The following CNOT2 variants were observed in gnomAD, a reference collection of about 807,000 sequenced individuals.
The protein encoded by CNOT2 is CCR4-NOT transcription complex subunit 2, also known as CC chemokine receptor 4-negative regulator of transcription 2.
CNOT2 carries 7 observed loss-of-function variants against 72.1 expected under a neutral mutation model. That is an observed-to-expected ratio of 0.10 (90% CI 0.06 to 0.18). The LOEUF is 0.18. Ranked by LOEUF, CNOT2 falls within the 10% of genes least tolerant of loss-of-function variation. CNOT2 has a pLI of 1.00. For synonymous variants in CNOT2, 196 were observed against 225.6 expected (o/e 0.87, Z 1.17); for missense variants, 345 against 660.3 (o/e 0.52, Z 5.23).
In CNOT2 at chr12:70,268,086, C is replaced by CT. The variant is rs201528398; in HGVS notation, c.-95-10045dup. On this transcript the variant is annotated intron_variant, in intron 1 of 15. Coordinates refer to ENST00000229195, the MANE Select transcript of CNOT2 (RefSeq NM_014515.7). ...TTTTTTCCCATTCATTCATAAAACT[C>CT]TAAGTTTTCTACCGGTATTATTTTC... Among the ~76,000 whole-genome samples the CT allele has an allele frequency of 2.8e-4, 42 of 152,326 alleles. No homozygotes were observed. In the East Asian group the frequency reaches 7.5e-3, roughly 27 times the overall value.
intron 14 of CNOT2, chr12:70,344,991 A>T (rs139180292): frequency 2.6e-5 from 4 of 152,174 alleles, no homozygotes; most frequent in Non-Finnish European, 4.4e-5. Flanking sequence ...TCAGCAGTCT[A>T]TTGGCCAGTT....
chr12:70,325,916 CTT>C (rs1276843255), intron 4 of CNOT2, among the ~76,000 whole-genome samples: 1 of 151,688 alleles, frequency 6.6e-6, no homozygotes. Flanking sequence ...TTTCATGTAA[CTT>C]AATATTTTTT....
intron 1 of CNOT2, among the ~76,000 whole-genome samples, chr12:70,254,666 T>C (rs538500918): frequency 1.3e-5 from 2 of 152,302 alleles, no homozygotes; most frequent in East Asian, 3.9e-4. Context: ...TTGCCCTTTA[T>C]GCATTTTTAT....
intron 2 of CNOT2, 118 bp downstream of exon 2, chr12:70,278,392 G>A (rs1002912031): frequency 1.2e-5 from 7 of 598,402 alleles, no homozygotes; most frequent in African/African-American, 7.6e-5. Context: ...TGAAAATTTG[G>A]GTTTATAATT....
chr12:70,259,350 CTTATTT>C (rs1958627956), intron 1 of CNOT2, among the ~76,000 whole-genome samples: 1 of 151,894 alleles, frequency 6.6e-6, no homozygotes, highest in South Asian at 2.1e-4. Flanking sequence ...TAATACCATT[CTTATTT>C]TTAAATCAAC....
intron 1 of CNOT2, among the ~76,000 whole-genome samples, chr12:70,272,401 G>A (rs1868257613): frequency 6.6e-6 from 1 of 152,132 alleles, no homozygotes; most frequent in African/African-American, 2.4e-5. Flanking sequence ...TTGGAGATTT[G>A]GGGTAAGATC....
At chr12:70,262,870 G>A (rs1342332750) in intron 1 of CNOT2, among the ~76,000 whole-genome samples, 1 of 151,872 alleles carries the variant, frequency 6.6e-6, no homozygotes, top group Non-Finnish European at 1.5e-5. Flanking sequence ...ATGGAGTTTT[G>A]CCATGTTGGC....
chr12:70,300,809 G>A (rs1020697382), intron 2 of CNOT2, among the ~76,000 whole-genome samples: 11 of 152,124 alleles, frequency 7.2e-5, no homozygotes, highest in African/African-American at 2.2e-4. Flanking sequence ...ATTACCTTGG[G>A]CAGTATGGCC....
intron 4 of CNOT2, among the ~76,000 whole-genome samples, chr12:70,325,350 C>T (rs1198337307): frequency 6.6e-6 from 1 of 151,830 alleles, no homozygotes. Context: ...ATTCCACTGC[C>T]ATGATTGCCC....
At chr12:70,352,074 G>A (rs1245432879) in intron 15 of CNOT2, among the ~76,000 whole-genome samples, 1 of 152,090 alleles carries the variant, frequency 6.6e-6, no homozygotes, top group Non-Finnish European at 1.5e-5. Context: ...CAAGAGAGAA[G>A]GGGACTGAAT....
At chr12:70,309,318 A>T (rs1876045088) in intron 2 of CNOT2, among the ~76,000 whole-genome samples, 1 of 152,220 alleles carries the variant, frequency 6.6e-6, no homozygotes, top group South Asian at 2.1e-4. Flanking sequence ...GCCTAAAAGC[A>T]TATAGCAAAG....
At position 70,351,905 on chromosome 12, in the gene CNOT2, G is replaced by T. The variant is rs542924246; in HGVS notation, c.1537-1924G>T. On this transcript the variant is annotated intron_variant, in intron 15 of 15. Coordinates refer to ENST00000229195, the MANE Select transcript of CNOT2 (RefSeq NM_014515.7). The stretch of plus-strand genomic sequence containing the variant: ...TGTCATGGTTGTGGTGGTGATTCTG[G>T]TGTTTGCTAATTTTTACTGATAAGC... Among the ~76,000 whole-genome samples, 198 of 152,244 alleles carry T rather than the reference G, an allele frequency of 1.3e-3. 3 individuals carry two copies. The highest frequency in any genetic ancestry group is 1.6e-3 in the Non-Finnish European group (106 of 68,018).
chr12:70,276,470 C>G (rs1490879333), intron 1 of CNOT2, among the ~76,000 whole-genome samples: 1 of 151,884 alleles, frequency 6.6e-6, no homozygotes, highest in East Asian at 1.9e-4. Flanking sequence ...AAGGCATGTA[C>G]TACTTTACAA....
intron 1 of CNOT2, among the ~76,000 whole-genome samples, chr12:70,268,718 C>T (rs1289684645): frequency 1.3e-5 from 2 of 151,942 alleles, no homozygotes; most frequent in African/African-American, 4.8e-5. Flanking sequence ...ACTTTGGCTT[C>T]CCAAAGTGCT....
chr12:70,329,071 T>C (rs566498203), intron 4 of CNOT2, among the ~76,000 whole-genome samples: 37 of 152,074 alleles, frequency 2.4e-4, no homozygotes, highest in African/African-American at 8.7e-4. Context: ...AATTTCATAA[T>C]GGCCTCTTTG....
intron 1 of CNOT2, among the ~76,000 whole-genome samples, chr12:70,250,267 A>T (rs1958076208): frequency 6.6e-6 from 1 of 152,136 alleles, no homozygotes; most frequent in African/African-American, 2.4e-5. Flanking sequence ...CCAACAGTAA[A>T]ATTCTGTGTA....
chr12:70,287,268 TC>T (rs1373143433), intron 2 of CNOT2, among the ~76,000 whole-genome samples: 3 of 147,714 alleles, frequency 2.0e-5, no homozygotes, highest in Non-Finnish European at 4.5e-5. Flanking sequence ...ATGTGCGTTT[TC>T]CCCTTATTTG....
intron 2 of CNOT2, 95 bp from the exon 3 acceptor site, chr12:70,310,800 A>G (rs1408273548): frequency 5.9e-6 from 6 of 1,008,718 alleles, no homozygotes; most frequent in Non-Finnish European, 7.3e-6. Context: ...TATCTTAGCA[A>G]TGCTCCCTTC....
intron 2 of CNOT2, among the ~76,000 whole-genome samples, chr12:70,307,031 G>A (rs1875537361): frequency 6.6e-6 from 1 of 152,084 alleles, no homozygotes. Context: ...TTTTAAAAAG[G>A]TTACACCTTT....
Sources: allele counts gnomAD v4.1 joint callset (sites outside exome capture counted in the v4.1 genomes callset), GRCh38; gene constraint gnomAD v4.1.1; transcripts MANE v1.5; gene names NCBI Gene and HGNC (gene_info 2026-07-23, HGNC 2026-07-21).